The following MACROD2 variants were observed in gnomAD, a reference collection of about 807,000 sequenced individuals.
MACROD2 encodes the protein ADP-ribose glycohydrolase MACROD2.
A neutral mutation model predicts 70.4 loss-of-function variants in MACROD2; 36 were observed. That is an observed-to-expected ratio of 0.51 (90% CI 0.39 to 0.68). The LOEUF (loss-of-function observed/expected upper bound fraction) is 0.68. Ranked by LOEUF, MACROD2 falls within the 30% of genes least tolerant of loss-of-function variation. The pLI is 0.00. For synonymous variants in MACROD2, 172 were observed against 178.8 expected (o/e 0.96, Z 0.30); for missense variants, 496 against 538.4 (o/e 0.92, Z 0.78).
chr20:15,907,804 G>A (rs1160054203), intron 10 of MACROD2, among the ~76,000 whole-genome samples: 1 of 152,174 alleles, frequency 6.6e-6, no homozygotes, highest in Non-Finnish European at 1.5e-5. Context: ...TAGAGGTCAG[G>A]AAGAATTTTA....
intron 5 of MACROD2, among the ~76,000 whole-genome samples, chr20:15,055,099 T>TCCA: frequency 6.6e-6 from 1 of 151,930 alleles, no homozygotes; most frequent in South Asian, 2.1e-4. Context: ...ACAGGCGCCT[T>TCCA]CCACCACACC....
At chr20:14,926,661 T>C (rs1305850969) in intron 5 of MACROD2, among the ~76,000 whole-genome samples, 1 of 151,662 alleles carries the variant, frequency 6.6e-6, no homozygotes, top group Non-Finnish European at 1.5e-5. Context: ...GGAATGAGAG[T>C]GGAGTGTCAC....
At chr20:14,146,535 G>A (rs1601279741) in intron 3 of MACROD2, among the ~76,000 whole-genome samples, 1 of 152,090 alleles carries the variant, frequency 6.6e-6, no homozygotes, top group East Asian at 1.9e-4. Flanking sequence ...AGGGAGAGAG[G>A]GACAAGAAGA....
At chr20:14,724,930 A>C (rs1568760173) in intron 5 of MACROD2, among the ~76,000 whole-genome samples, 1 of 152,140 alleles carries the variant, frequency 6.6e-6, no homozygotes, top group African/African-American at 2.4e-5. Context: ...ATGTACAAAG[A>C]AGGCATGTTA....
intron 5 of MACROD2, among the ~76,000 whole-genome samples, chr20:14,731,373 T>A (rs1258205119): frequency 6.6e-6 from 1 of 152,154 alleles, no homozygotes; most frequent in Non-Finnish European, 1.5e-5. Flanking sequence ...CCGAATCTAC[T>A]TTTCTAAACA....
Position 16,044,451 on chromosome 20 carries a change from C to T in MACROD2, c.1232-120C>T, listed in dbSNP as rs2067350726. On this transcript the variant is annotated intron_variant, in intron 16 of 17. Coordinates refer to ENST00000684519, the MANE Select transcript of MACROD2 (RefSeq NM_001351661.2). ...TCCCCAAATCTTGAATGAATGAAAA[C>T]AAATGGAAAAGAGGCATCAAATAGG... 1.1e-5 allele frequency: 9 copies of T among 830,258 alleles called. No individual in the cohort carries two copies. The South Asian group carries it at 1.2e-4, about 11-fold the overall frequency. 51.4% of individuals were successfully genotyped at this position (830,258 alleles called of 1,614,324 possible). A position where few individuals can be genotyped will look rare whatever the true frequency, so the allele number is the denominator to read the frequency against.
intron 5 of MACROD2, among the ~76,000 whole-genome samples, chr20:14,801,178 T>A (rs2072571090): frequency 6.6e-6 from 1 of 152,168 alleles, no homozygotes; most frequent in Non-Finnish European, 1.5e-5. Context: ...TCTTCCCAAA[T>A]TAGTTGAGAT....
chr20:14,250,060 A>T (rs1330651777), intron 3 of MACROD2, among the ~76,000 whole-genome samples: 5 of 152,036 alleles, frequency 3.3e-5, no homozygotes, highest in African/African-American at 1.2e-4. Context: ...GGTAATAATT[A>T]CAAAGTTTGG....
At chr20:15,401,289 C>T (rs1418864664) in intron 6 of MACROD2, among the ~76,000 whole-genome samples, 2 of 152,168 alleles carry the variant, frequency 1.3e-5, no homozygotes, top group African/African-American at 2.4e-5. Context: ...CCGCCCGCCT[C>T]GGCCTCCCAA....
chr20:15,775,540 T>C (rs2051707429), intron 8 of MACROD2, among the ~76,000 whole-genome samples: 1 of 152,062 alleles, frequency 6.6e-6, no homozygotes, highest in African/African-American at 2.4e-5. Context: ...AATAAAGCAG[T>C]TTTCAAGCTT....
At chr20:15,594,848 C>T (rs1257814447) in intron 8 of MACROD2, among the ~76,000 whole-genome samples, 1 of 152,144 alleles carries the variant, frequency 6.6e-6, no homozygotes, top group Non-Finnish European at 1.5e-5. Flanking sequence ...ACCAAGAGTT[C>T]ACCTCTACAG....
At chr20:15,800,487 T>G (rs1049787125) in intron 8 of MACROD2, among the ~76,000 whole-genome samples, 7 of 152,216 alleles carry the variant, frequency 4.6e-5, no homozygotes, top group Non-Finnish European at 8.8e-5. Flanking sequence ...CTAGTTTTAT[T>G]CCTCTGCATA....
chr20:14,326,052 G>A lies in MACROD2; in HGVS notation c.272-167427G>A. ...GAGTTTCATCAAATAGGTAGAGGTTGCTGGTTTCCATGGGAACCATGCATA... is the reference window on the plus strand; with the variant it reads ...GAGTTTCATCAAATAGGTAGAGGTTACTGGTTTCCATGGGAACCATGCATA... On this transcript the variant is annotated intron_variant, in intron 3 of 17. Coordinates refer to ENST00000684519, the MANE Select transcript of MACROD2 (RefSeq NM_001351661.2). This position sits in a 1 kb window ranked among gnomAD's most constrained non-coding sequence, Gnocchi z 5.5. 3 of 1,613,934 alleles carry A rather than the reference G, an allele frequency of 1.9e-6. No homozygotes were observed. Among genetic ancestry groups the A allele is most frequent in the Non-Finnish European group, 2.5e-6 (3 of 1,179,894 alleles).
chr20:15,169,449 G>C (rs1318796517), intron 5 of MACROD2, among the ~76,000 whole-genome samples: 1 of 152,118 alleles, frequency 6.6e-6, no homozygotes, highest in Non-Finnish European at 1.5e-5. Flanking sequence ...TTCATTAACA[G>C]AGCCACGTTC....
At chr20:15,043,605 C>G (rs1260238661) in intron 5 of MACROD2, among the ~76,000 whole-genome samples, 2 of 152,184 alleles carry the variant, frequency 1.3e-5, no homozygotes, top group East Asian at 1.9e-4. Context: ...TCCCTTTTCT[C>G]TTTCCCCCAG....
At chr20:14,844,630 T>G (rs936137274) in intron 5 of MACROD2, among the ~76,000 whole-genome samples, 1 of 152,106 alleles carries the variant, frequency 6.6e-6, no homozygotes, top group Non-Finnish European at 1.5e-5. Flanking sequence ...TTTTCCTACT[T>G]TAGTATAAAC....
At position 15,526,513 on chromosome 20, in the gene MACROD2, A is replaced by T. The variant is rs866437925; in HGVS notation, c.645+26666A>T. 2.0e-5 allele frequency among the ~76,000 whole-genome samples: 3 copies of T among 152,282 alleles called. No homozygotes were observed. The South Asian group carries it at 6.2e-4, about 32-fold the overall frequency. Reference sequence around the variant, plus strand: ...AAGTCATTAACATTGGAGGAGAGAGAAAAAGGAGACTGAATCCTGGTATGA... The same window carrying T: ...AAGTCATTAACATTGGAGGAGAGAGTAAAAGGAGACTGAATCCTGGTATGA... On this transcript the variant is annotated intron_variant, in intron 8 of 17. Transcript: ENST00000684519.
At chr20:14,119,113 G>T (rs112360617) in intron 3 of MACROD2, among the ~76,000 whole-genome samples, 6,013 of 147,594 alleles carry the variant, frequency 0.041, 166 homozygotes, top group African/African-American at 0.079. Context: ...CTCCCAAAGT[G>T]CTGGGATTAC....
chr20:15,171,875 G>C (rs708977), intron 5 of MACROD2, among the ~76,000 whole-genome samples: 1 of 152,056 alleles, frequency 6.6e-6, no homozygotes, highest in Non-Finnish European at 1.5e-5. Flanking sequence ...GACTGGACCA[G>C]GTCCCTTTAT....
Sources: gnomAD v4.1 joint callset for allele counts (sites outside exome capture counted in the v4.1 genomes callset) on GRCh38, gnomAD v4.1.1 for gene constraint, Gnocchi (gnomAD v3.1) non-coding constraint, MANE v1.5 for transcripts, NCBI Gene and HGNC (gene_info 2026-07-23, HGNC 2026-07-21) for gene names.